Variants in TMEM120B observed in about 807,000 individuals in gnomAD.
TMEM120B encodes the protein transmembrane protein 120B.
A neutral mutation model predicts 55.5 loss-of-function variants in TMEM120B; 31 were observed. That is an observed-to-expected ratio of 0.56 (90% CI 0.42 to 0.75). TMEM120B has a LOEUF of 0.75. Ranked by LOEUF, TMEM120B falls within the 30% of genes least tolerant of loss-of-function variation. The pLI, the probability that TMEM120B is intolerant of heterozygous loss-of-function variation, is 0.00. For synonymous variants in TMEM120B, 203 were observed against 176.3 expected (o/e 1.15, Z -1.20); for missense variants, 399 against 425.5 (o/e 0.94, Z 0.55).
At position 121,775,001 on chromosome 12, in the gene TMEM120B, G is replaced by T. The variant is rs534953628; in HGVS notation, c.838-61G>T. The T allele has an allele frequency of 3.1e-6, 5 of 1,590,744 alleles. No homozygotes were observed. Among genetic ancestry groups the T allele is most frequent in the Non-Finnish European group, 2.6e-6 (3 of 1,161,748 alleles). ...GGTGAGGGGCCTGGCCATCACCCTG[G>T]CTTTCTACGTGGCCGGCCAGGGGAG... is the stretch of plus-strand genomic sequence containing the variant. On this transcript the variant is annotated intron_variant, in intron 10 of 11. Transcript: ENST00000449592. The surrounding 1 kb of genome is among the most constrained non-coding windows in gnomAD (Gnocchi z 4.3).
intron 5 of TMEM120B, among the ~76,000 whole-genome samples, chr12:121,760,628 C>T (rs1399730171): frequency 1.3e-5 from 2 of 152,330 alleles, no homozygotes; most frequent in African/African-American, 4.8e-5. Context: ...AGCCCACTTG[C>T]TCAGCTCCTG....
intron 5 of TMEM120B, chr12:121,758,965 G>T: frequency 2.0e-6 from 2 of 985,462 alleles, no homozygotes; most frequent in Non-Finnish European, 2.4e-6. Flanking sequence ...GGTCACCATG[G>T]AGGAGGAAAA....
chr12:121,739,036 C>G lies in TMEM120B; in HGVS notation c.70-4593C>G, dbSNP rs895996156. On this transcript the variant is annotated intron_variant, in intron 1 of 11. Coordinates refer to ENST00000449592, the MANE Select transcript of TMEM120B (RefSeq NM_001080825.2). ...ACCCCGTCCATCTCTACTAAAAATA[C>G]AAAAATTAGCTGGGTATGGTGGCAC... 1.1e-4 allele frequency among the ~76,000 whole-genome samples: 17 copies of G among 152,096 alleles called. No homozygotes were observed. In the South Asian group the frequency reaches 3.5e-3, roughly 32 times the overall value.
rs938480939 is a variant in TMEM120B, at chr12:121,775,797, C to T, written c.*75C>T. The T allele has an allele frequency of 4.0e-6, 6 of 1,514,586 alleles. No homozygotes were observed. Among genetic ancestry groups the T allele is most frequent in the Non-Finnish European group, 5.4e-6 (6 of 1,102,138 alleles). 93.8% of individuals were successfully genotyped at this position (1,514,586 alleles called of 1,614,324 possible). On this transcript the variant is annotated 3_prime_UTR_variant, in exon 12 of 12. Coordinates refer to ENST00000449592, the MANE Select transcript of TMEM120B (RefSeq NM_001080825.2). This position sits in a 1 kb window ranked among gnomAD's most constrained non-coding sequence, Gnocchi z 4.3. ...CCGGGCTCCTTCCCAGCAGCCCTCTCAGGCCCGTGGCATCGCTGGGAGAGG... is the reference window on the plus strand; with the variant it reads ...CCGGGCTCCTTCCCAGCAGCCCTCTTAGGCCCGTGGCATCGCTGGGAGAGG...
chr12:121,722,222 C>G (rs1214081194), intron 1 of TMEM120B, among the ~76,000 whole-genome samples: 1 of 152,006 alleles, frequency 6.6e-6, no homozygotes, highest in Non-Finnish European at 1.5e-5. Context: ...CCTCAGCCCC[C>G]TGAGTAGTTG....
chr12:121,781,441 A>G lies in TMEM120B; in HGVS notation c.*5719A>G, dbSNP rs1874454049. ...AGCCGTGATCATGCCACTGCACTCC[A>G]GCCTGGGTGACAGAGCGAGACCCTG... On this transcript the variant is annotated 3_prime_UTR_variant, in exon 12 of 12. Coordinates refer to ENST00000449592, the MANE Select transcript of TMEM120B (RefSeq NM_001080825.2). 4 of 457,462 alleles carry G rather than the reference A, an allele frequency of 8.7e-6. No homozygotes were observed. Among genetic ancestry groups the G allele is most frequent in the Admixed American group, 3.7e-5 (1 of 27,314 alleles). The allele number at this position is 457,462 out of a possible 1,614,324, so 28.3% of individuals were successfully genotyped here.
chr12:121,770,959 GTGATGC>G lies in TMEM120B; in HGVS notation c.608_613del (p.Met203_Leu204del). ...CTACGTCTCCACATTCCTGTCCGGA[GTGATGC>G]TGACCTGGTGAGTAGCCCCTCGCTG... On this transcript the variant is annotated inframe_deletion, in exon 7 of 12. Transcript: ENST00000449592. 6.2e-7 allele frequency: 1 copy of G among 1,614,084 alleles called. No individual in the cohort carries two copies. Among genetic ancestry groups the G allele is most frequent in the Non-Finnish European group, 8.5e-7 (1 of 1,179,982 alleles).
chr12:121,772,107 C>T lies in TMEM120B; in HGVS notation c.679+558C>T, dbSNP rs556242231. 1.0e-4 allele frequency among the ~76,000 whole-genome samples: 15 copies of T among 146,778 alleles called. No individual in the cohort carries two copies. The East Asian group carries it at 3.0e-3, about 30-fold the overall frequency. On this transcript the variant is annotated intron_variant, in intron 8 of 11. Coordinates refer to ENST00000449592, the MANE Select transcript of TMEM120B (RefSeq NM_001080825.2). ...TCTTTCTCTCTCTCTCTCTTTCTCT[C>T]TTTCTCTCTCTCTCTCTTTCTCTCT...
At chr12:121,761,347 T>C (rs992813235) in intron 5 of TMEM120B, among the ~76,000 whole-genome samples, 1 of 152,126 alleles carries the variant, frequency 6.6e-6, no homozygotes, top group African/African-American at 2.4e-5. Flanking sequence ...GGGAAGAGTT[T>C]AGAAGACAGA....
rs1312300032 is a variant in TMEM120B, at chr12:121,780,871, C to T, written c.*5149C>T. 1.2e-6 allele frequency: 2 copies of T among 1,612,528 alleles called. No individual in the cohort carries two copies. Among genetic ancestry groups the T allele is most frequent in the Non-Finnish European group, 1.7e-6 (2 of 1,179,520 alleles). On this transcript the variant is annotated 3_prime_UTR_variant, in exon 12 of 12. Transcript: ENST00000449592. ...GCCCCAGGGTCTTGGCCCCGGCCCACCTGCATGTAGGTGATGGGCTCCAGC... is the reference window on the plus strand; with the variant it reads ...GCCCCAGGGTCTTGGCCCCGGCCCATCTGCATGTAGGTGATGGGCTCCAGC...
intron 5 of TMEM120B, among the ~76,000 whole-genome samples, chr12:121,757,518 TTATTTA>T (rs1873516575): frequency 3.0e-5 from 4 of 133,906 alleles, no homozygotes; most frequent in African/African-American, 1.2e-4. Flanking sequence ...ATTATTATTA[TTATTTA>T]TTTTTTTTTT....
At chr12:121,757,637 C>T (rs551238338) in intron 5 of TMEM120B, among the ~76,000 whole-genome samples, 17 of 152,220 alleles carry the variant, frequency 1.1e-4, no homozygotes, top group African/African-American at 3.6e-4. Context: ...CTGCCTCAGC[C>T]TCCCGAGTAG....
At position 121,768,348 on chromosome 12, in the gene TMEM120B, A is replaced by G. The variant is rs190768712; in HGVS notation, c.552-2559A>G. On this transcript the variant is annotated intron_variant, in intron 6 of 11. Transcript: ENST00000449592. The stretch of plus-strand genomic sequence containing the variant: ...GGTGCTGTTAGTGCTGTGAACACAG[A>G]GCTGCATAAAACCTTGCCCCTCAGC... 1.3e-3 allele frequency among the ~76,000 whole-genome samples: 204 copies of G among 152,316 alleles called. 2 individuals are homozygous for G. The highest frequency in any genetic ancestry group is 4.5e-3 in the African/African-American group (189 of 41,566).
rs1874186955 is a variant in TMEM120B at position 121,774,979 on chromosome 12, G to T, written c.838-83G>T. ...GGGTAGTTGATACCCAAAGTTGGGTGAGGGGCCTGGCCATCACCCTGGCTT... is the reference window on the plus strand; with the variant it reads ...GGGTAGTTGATACCCAAAGTTGGGTTAGGGGCCTGGCCATCACCCTGGCTT... On this transcript the variant is annotated intron_variant, in intron 10 of 11. Coordinates refer to ENST00000449592, the MANE Select transcript of TMEM120B (RefSeq NM_001080825.2). 2.0e-6 allele frequency: 3 copies of T among 1,489,868 alleles called. No homozygotes were observed. The South Asian group carries it at 3.5e-5, about 17-fold the overall frequency. The allele number at this position is 1,489,868 out of a possible 1,614,324, so 92.3% of individuals were successfully genotyped here.
intron 5 of TMEM120B, among the ~76,000 whole-genome samples, chr12:121,761,241 A>G (rs933234240): frequency 6.6e-6 from 1 of 152,132 alleles, no homozygotes; most frequent in Non-Finnish European, 1.5e-5. Context: ...AGCCTCCCCA[A>G]GTGCTGGGAT....
At chr12:121,736,327 G>GT (rs200851425) in intron 1 of TMEM120B, among the ~76,000 whole-genome samples, 5,963 of 137,044 alleles carry the variant, frequency 0.044, 211 homozygotes, top group East Asian at 0.21. Context: ...ATTGTTTGGT[G>GT]TTTTTTTTTT....
intron 9 of TMEM120B, among the ~76,000 whole-genome samples, chr12:121,774,236 G>A (rs749909576): frequency 4.6e-5 from 7 of 152,176 alleles, no homozygotes; most frequent in African/African-American, 9.7e-5. Flanking sequence ...GATTATAGGC[G>A]TGGGCCACTG....
Position 121,773,482 on chromosome 12 carries a change from G to T in TMEM120B, c.741G>T (p.Leu247=). The T allele has an allele frequency of 1.2e-6, 2 of 1,606,122 alleles. No individual in the cohort carries two copies. The highest frequency in any genetic ancestry group is 1.7e-6 in the Non-Finnish European group (2 of 1,175,866). The part of the protein sequence containing the change: ...QRGCLYRLRA[L]GERNHLDLTV... The stretch of plus-strand genomic sequence containing the variant: ...GCTGCCTCTACCGGCTGCGGGCCCT[G>T]GGGGAGAGGAACCACCTGGATCTCA... The change falls in exon 9 of 12, where the codon CTG becomes CTT. Residue 247 remains leucine (L), a synonymous_variant. Coordinates refer to ENST00000449592, the MANE Select transcript of TMEM120B (RefSeq NM_001080825.2).
chr12:121,780,729 A>G lies in TMEM120B; in HGVS notation c.*5007A>G. ...AAAGTGCTCAGGTCCACAGGCCATC[A>G]ATACTAATAGTTAAAAATTATTCTT... On this transcript the variant is annotated 3_prime_UTR_variant, in exon 12 of 12. Transcript: ENST00000449592. 1.0e-6 allele frequency: 1 copy of G among 952,692 alleles called. No individual in the cohort carries two copies. Among genetic ancestry groups the G allele is most frequent in the Non-Finnish European group, 1.5e-6 (1 of 656,236 alleles). 59.0% of individuals were successfully genotyped at this position (952,692 alleles called of 1,614,324 possible). A position where few individuals can be genotyped will look rare whatever the true frequency, so the allele number is the denominator to read the frequency against.
Sources: allele counts gnomAD v4.1 joint callset (sites outside exome capture counted in the v4.1 genomes callset), GRCh38; gene constraint gnomAD v4.1.1; non-coding constraint Gnocchi (gnomAD v3.1); transcripts MANE v1.5; gene names NCBI Gene and HGNC (gene_info 2026-07-23, HGNC 2026-07-21).